Variants in CDH6 observed in about 807,000 individuals in gnomAD.
CDH6 encodes cadherin 6.
Under a neutral mutation model 78.0 loss-of-function variants are expected in CDH6, and 31 were observed. The observed-to-expected ratio is 0.40, with a 90% CI of 0.30 to 0.54. CDH6 has a LOEUF of 0.54. Ranked by LOEUF, CDH6 falls within the 20% of genes least tolerant of loss-of-function variation. The pLI, the probability that CDH6 is intolerant of heterozygous loss-of-function variation, is 0.56. For missense variants in CDH6, 724 were observed against 975.9 expected, an observed-to-expected ratio of 0.74 and a Z score of 3.44; for synonymous variants, 376 against 368.8, an observed-to-expected ratio of 1.02 and a Z score of -0.23.
At chr5:31,281,405 A>G (rs566544568) in intron 2 of CDH6, among the ~76,000 whole-genome samples, 5 of 152,194 alleles carry the variant, frequency 3.3e-5, no homozygotes, top group African/African-American at 1.2e-4. Flanking sequence ...AGGTTACACT[A>G]TAAAGCAAAA....
chr5:31,268,552 G>C (rs1055625897), intron 2 of CDH6, among the ~76,000 whole-genome samples: 6 of 152,074 alleles, frequency 3.9e-5, no homozygotes, highest in African/African-American at 9.7e-5. Flanking sequence ...AAAAAACCAG[G>C]GTTACAGGTT....
At chr5:31,223,827 A>G (rs746808262) in intron 1 of CDH6, among the ~76,000 whole-genome samples, 22 of 152,354 alleles carry the variant, frequency 1.4e-4, no homozygotes, top group Non-Finnish European at 3.2e-4. Flanking sequence ...AGAATTTAAA[A>G]TGTATTTGCC....
intron 2 of CDH6, among the ~76,000 whole-genome samples, chr5:31,280,703 A>G (rs371324209): frequency 2.0e-5 from 3 of 152,258 alleles, no homozygotes; most frequent in East Asian, 3.9e-4. Context: ...GTCGTCAGAT[A>G]GTATGAATTT....
chr5:31,237,175 T>TCAAAGA (rs978004894), intron 1 of CDH6, among the ~76,000 whole-genome samples: 6 of 151,972 alleles, frequency 3.9e-5, no homozygotes, highest in African/African-American at 1.4e-4. Flanking sequence ...TAGTTAGCAA[T>TCAAAGA]CAAAGACATG....
At chr5:31,196,959 C>T (rs1740185044) in intron 1 of CDH6, among the ~76,000 whole-genome samples, 1 of 151,894 alleles carries the variant, frequency 6.6e-6, no homozygotes, top group South Asian at 2.1e-4. Context: ...GCCGCCGCCC[C>T]CCGCCCCCCA....
Position 31,305,383 on chromosome 5 carries a change from C to T in CDH6, c.1209C>T (p.Gly403=). The T allele has an allele frequency of 3.7e-6, 6 of 1,614,082 alleles. No individual in the cohort carries two copies. Among genetic ancestry groups the T allele is most frequent in the Non-Finnish European group, 5.1e-6 (6 of 1,179,958 alleles). ...ATGCTCAGATAAACACCACAATAGG[C>T]TCCGTCACAGCCCAAGATCCAGATG... The part of the protein sequence containing the change: ...REDAQINTTI[G]SVTAQDPDAA... Residue 403 remains glycine, a synonymous_variant, in exon 7 of 12, where the codon GGC becomes GGT. Transcript: ENST00000265071.
chr5:31,291,175 G>A (rs1474359809), intron 2 of CDH6, among the ~76,000 whole-genome samples: 2 of 152,156 alleles, frequency 1.3e-5, no homozygotes. Context: ...CATATGTAAA[G>A]ATAGCAATTG....
At chr5:31,253,869 G>T (rs1190213272) in intron 1 of CDH6, among the ~76,000 whole-genome samples, 1 of 150,372 alleles carries the variant, frequency 6.7e-6, no homozygotes, top group African/African-American at 2.4e-5. Context: ...TGTTAATATT[G>T]ACTAACTTTT....
chr5:31,236,338 A>G (rs1021491196), intron 1 of CDH6, among the ~76,000 whole-genome samples: 1 of 152,218 alleles, frequency 6.6e-6, no homozygotes, highest in Non-Finnish European at 1.5e-5. Flanking sequence ...TCTTTCACTG[A>G]AACAAATCAC....
intron 9 of CDH6, 133 bp downstream of exon 9, chr5:31,316,462 A>G (rs2149959343): frequency 1.4e-6 from 1 of 732,480 alleles, no homozygotes; most frequent in Non-Finnish European, 2.1e-6. Context: ...AATTAATACT[A>G]TAAATAAGAA....
Position 31,236,729 on chromosome 5 carries a change from C to A in CDH6, c.-128-30617C>A, listed in dbSNP as rs16900776. ...TGTCCTCTCTCTGAACTTGAGTGTG[C>A]TGGCTGTGAACCTGTTTTGATCAGC... is the stretch of plus-strand genomic sequence containing the variant. On this transcript the variant is annotated intron_variant, in intron 1 of 11. Coordinates refer to ENST00000265071, the MANE Select transcript of CDH6 (RefSeq NM_004932.4). 9.3e-3 allele frequency among the ~76,000 whole-genome samples: 1,411 copies of A among 152,294 alleles called. 80 individuals carry two copies. The East Asian group carries it at 0.15, about 16-fold the overall frequency.
chr5:31,267,399 T>G lies in CDH6; in HGVS notation c.-75T>G. ...TTAAGGAAGGAAGGAGGAATGAGGC[T>G]GGATACGGTGCAGTGAAAAAGGCAC... On this transcript the variant is annotated 5_prime_UTR_variant, in exon 2 of 12. Coordinates refer to ENST00000265071, the MANE Select transcript of CDH6 (RefSeq NM_004932.4). The G allele has an allele frequency of 1.0e-6, 1 of 993,134 alleles. No individual in the cohort carries two copies. Among genetic ancestry groups the G allele is most frequent in the Non-Finnish European group, 1.6e-6 (1 of 626,754 alleles). The allele number at this position is 993,134 out of a possible 1,614,324, so 61.5% of individuals were successfully genotyped here. A position where few individuals can be genotyped will look rare whatever the true frequency, so the allele number is the denominator to read the frequency against.
intron 11 of CDH6, among the ~76,000 whole-genome samples, chr5:31,319,843 C>A (rs1047322887): frequency 1.3e-5 from 2 of 152,178 alleles, no homozygotes; most frequent in African/African-American, 4.8e-5. Context: ...CTTATGGTGC[C>A]TTAGAACTTG....
intron 1 of CDH6, among the ~76,000 whole-genome samples, chr5:31,246,551 A>G (rs1423985418): frequency 6.6e-6 from 1 of 152,088 alleles, no homozygotes; most frequent in African/African-American, 2.4e-5. Context: ...GGTGGGCCAC[A>G]CTCAAGCCCA....
chr5:31,300,928 C>T (rs887554383), intron 5 of CDH6, among the ~76,000 whole-genome samples: 1 of 152,164 alleles, frequency 6.6e-6, no homozygotes, highest in South Asian at 2.1e-4. Flanking sequence ...CAAGAGCAGC[C>T]GAGGCAACAT....
chr5:31,255,449 T>C (rs188408719), intron 1 of CDH6, among the ~76,000 whole-genome samples: 47 of 152,372 alleles, frequency 3.1e-4, no homozygotes, highest in African/African-American at 1.0e-3. Context: ...GGCATTTCTT[T>C]GGTGGTATAA....
chr5:31,210,367 G>T (rs1432989003), intron 1 of CDH6, among the ~76,000 whole-genome samples: 5 of 152,086 alleles, frequency 3.3e-5, no homozygotes, highest in African/African-American at 1.2e-4. Flanking sequence ...TGCCGGGCAT[G>T]GTCGTGCGTG....
rs1032335060 is a variant in CDH6 at position 31,325,354 on chromosome 5, ACG to A, written c.*2047_*2048del. Reference sequence around the variant, plus strand: ...CACACACACACACACACACACACACACGAATGCAAACAAAAGGCTATATGAGG... The same window carrying A: ...CACACACACACACACACACACACACAAATGCAAACAAAAGGCTATATGAGG... On this transcript the variant is annotated 3_prime_UTR_variant, in exon 12 of 12. Coordinates refer to ENST00000265071, the MANE Select transcript of CDH6 (RefSeq NM_004932.4). 6 of 224,054 alleles carry A rather than the reference ACG, an allele frequency of 2.7e-5. No homozygotes were observed. The highest frequency in any genetic ancestry group is 6.9e-5 in the African/African-American group (3 of 43,242). The allele number at this position is 224,054 out of a possible 1,614,324, so 13.9% of individuals were successfully genotyped here.
chr5:31,304,920 A>T (rs13357297), intron 6 of CDH6, among the ~76,000 whole-genome samples: 1 of 151,964 alleles, frequency 6.6e-6, no homozygotes, highest in Non-Finnish European at 1.5e-5. Flanking sequence ...CAGCCCATAC[A>T]TTTTTCAGGG....
Sources: gnomAD v4.1 joint callset for allele counts (sites outside exome capture counted in the v4.1 genomes callset) on GRCh38, gnomAD v4.1.1 for gene constraint, MANE v1.5 for transcripts, NCBI Gene and HGNC (gene_info 2026-07-23, HGNC 2026-07-21) for gene names.